Variants in ANKFN1 observed in about 807,000 individuals in gnomAD.
ANKFN1 encodes ankyrin repeat and fibronectin type III domain containing 1, also known as ankyrin repeat and fibronectin type-III domain-containing protein 1.
ANKFN1 carries 74 observed loss-of-function variants against 108.7 expected under a neutral mutation model. The observed-to-expected ratio is 0.68, with a 90% CI of 0.56 to 0.83. ANKFN1 has a LOEUF of 0.83. Ranked by LOEUF, ANKFN1 falls within the 40% of genes least tolerant of loss-of-function variation. ANKFN1 has a pLI of 0.00. For missense variants in ANKFN1, 1,505 were observed against 1,382.3 expected (o/e 1.09, Z -1.41); for synonymous variants, 547 against 516.2 (o/e 1.06, Z -0.81).
At chr17:56,304,955 G>C (rs2044775276) in intron 3 of ANKFN1, among the ~76,000 whole-genome samples, 1 of 152,136 alleles carries the variant, frequency 6.6e-6, no homozygotes, top group Non-Finnish European at 1.5e-5. Context: ...TTCTTTGTCA[G>C]ATGTATGGTG....
At chr17:56,264,493 C>T (rs1207672935) in intron 3 of ANKFN1, among the ~76,000 whole-genome samples, 1 of 152,062 alleles carries the variant, frequency 6.6e-6, no homozygotes, top group Non-Finnish European at 1.5e-5. Context: ...TTCAAGTTTG[C>T]AGTCTACATA....
chr17:56,502,398 C>A (rs528548033), intron 20 of ANKFN1, among the ~76,000 whole-genome samples: 8 of 152,268 alleles, frequency 5.3e-5, no homozygotes, highest in Admixed American at 2.6e-4. Flanking sequence ...AAAATGTGAG[C>A]GATCATCATT....
chr17:56,124,536 G>C (rs760985643), intron 4 of ANKFN1, among the ~76,000 whole-genome samples: 1 of 152,206 alleles, frequency 6.6e-6, no homozygotes, highest in Non-Finnish European at 1.5e-5. Flanking sequence ...CCTGGATTTA[G>C]TGTATGCTGG....
chr17:56,063,916 A>G (rs373098016), intron 4 of ANKFN1, among the ~76,000 whole-genome samples: 5 of 151,830 alleles, frequency 3.3e-5, no homozygotes, highest in African/African-American at 1.2e-4. Context: ...CCTTGGATAG[A>G]GATTTGTGGG....
chr17:56,259,437 T>G (rs1423746244), intron 3 of ANKFN1, among the ~76,000 whole-genome samples: 1 of 152,188 alleles, frequency 6.6e-6, no homozygotes, highest in Non-Finnish European at 1.5e-5. Flanking sequence ...TAAGTACTAC[T>G]AGGGCAAAGT....
chr17:56,177,068 A>T (rs911073233), intron 1 of ANKFN1, among the ~76,000 whole-genome samples: 2 of 152,084 alleles, frequency 1.3e-5, no homozygotes, highest in South Asian at 4.1e-4. Context: ...AATCGTAGGG[A>T]TTTCCCCAGA....
intron 6 of ANKFN1, among the ~76,000 whole-genome samples, chr17:56,365,233 T>C (rs140419531): frequency 5.3e-4 from 80 of 152,266 alleles, no homozygotes; most frequent in African/African-American, 1.8e-3. Flanking sequence ...GGGGTTGAAA[T>C]TGATATCACT....
intron 10 of ANKFN1, among the ~76,000 whole-genome samples, chr17:56,445,844 GATATCGCCAGTGA>G (rs1219371917): frequency 6.6e-6 from 1 of 152,124 alleles, no homozygotes; most frequent in Non-Finnish European, 1.5e-5. Flanking sequence ...GGAAAATCCC[GATATCGCCAGTGA>G]ATGTAAGCTC....
intron 8 of ANKFN1, among the ~76,000 whole-genome samples, chr17:56,404,148 G>T (rs2047846848): frequency 6.6e-6 from 1 of 152,084 alleles, no homozygotes; most frequent in Non-Finnish European, 1.5e-5. Flanking sequence ...CCTAGGTGAT[G>T]ATCTTTTTGT....
intron 4 of ANKFN1, among the ~76,000 whole-genome samples, chr17:56,103,186 A>G (rs1027880782): frequency 3.3e-5 from 5 of 152,200 alleles, no homozygotes; most frequent in African/African-American, 1.2e-4. Context: ...CAATTCAGGT[A>G]ATGAGCGACA....
Position 56,391,240 on chromosome 17 carries a change from T to C in ANKFN1, c.910+16526T>C. ...ATATATATATATATATATATATATA[T>C]ATATATATGTATGTGTGTGTGTGTG... On this transcript the variant is annotated intron_variant, in intron 8 of 20. Coordinates refer to ENST00000682825, the MANE Select transcript of ANKFN1 (RefSeq NM_001370326.1). Among the ~76,000 whole-genome samples the C allele has an allele frequency of 1.8e-4, 6 of 33,790 alleles. No individual in the cohort carries two copies. In the South Asian group the frequency reaches 6.8e-3, roughly 38 times the overall value. The allele number at this position is 33,790 out of a possible 152,430, so 22.2% of individuals were successfully genotyped here.
intron 8 of ANKFN1, among the ~76,000 whole-genome samples, chr17:56,417,408 T>C (rs988158869): frequency 2.0e-5 from 3 of 152,170 alleles, no homozygotes; most frequent in African/African-American, 7.2e-5. Context: ...GTTCTTTGTG[T>C]TTGTTGGAAA....
At chr17:56,115,133 T>C (rs1010083921) in intron 4 of ANKFN1, among the ~76,000 whole-genome samples, 5 of 152,242 alleles carry the variant, frequency 3.3e-5, no homozygotes, top group East Asian at 1.9e-4. Flanking sequence ...AAAACTAATA[T>C]AGTTCTATTA....
chr17:56,047,609 A>G (rs11868386), intron 4 of ANKFN1, among the ~76,000 whole-genome samples: 57,958 of 152,014 alleles, frequency 0.38, 11,815 homozygotes, highest in African/African-American at 0.52. Flanking sequence ...GGGAGAGGAA[A>G]GAGCCATCTG....
At chr17:56,059,471 A>G (rs1230392382) in intron 4 of ANKFN1, among the ~76,000 whole-genome samples, 1 of 151,986 alleles carries the variant, frequency 6.6e-6, no homozygotes, top group African/African-American at 2.4e-5. Context: ...TTTTGTTGCA[A>G]TTGCTTTTGA....
chr17:56,296,992 G>A (rs1276188041), intron 3 of ANKFN1, among the ~76,000 whole-genome samples: 1 of 152,220 alleles, frequency 6.6e-6, no homozygotes, highest in Non-Finnish European at 1.5e-5. Context: ...GTACCAGAGT[G>A]TCCAAAGAAT....
chr17:56,378,567 G>A (rs1051125603), intron 8 of ANKFN1, among the ~76,000 whole-genome samples: 12 of 152,168 alleles, frequency 7.9e-5, no homozygotes, highest in African/African-American at 2.9e-4. Context: ...TCATAGGTAT[G>A]AGGTAGCTAC....
intron 16 of ANKFN1, among the ~76,000 whole-genome samples, chr17:56,478,953 G>A (rs1223232799): frequency 6.6e-6 from 1 of 152,184 alleles, no homozygotes; most frequent in Admixed American, 6.5e-5. Context: ...AGGAAATGAT[G>A]ATGAGGAGGA....
rs1555568534 is a variant in ANKFN1, at chr17:56,516,257, A to AT, written c.*4988_*4989insT. 6.7e-6 allele frequency among the ~76,000 whole-genome samples: 1 copy of AT among 148,362 alleles called. No homozygotes were observed. Among genetic ancestry groups the AT allele is most frequent in the African/African-American group, 2.5e-5 (1 of 40,434 alleles). ...GTTTGATGTTTGTGATTTTTAAAAA[A>AT]GTGTGTGTGTGTGTGTGTGTGTGTG... On this transcript the variant is annotated 3_prime_UTR_variant, in exon 21 of 21. Coordinates refer to ENST00000682825, the MANE Select transcript of ANKFN1 (RefSeq NM_001370326.1).
Sources: allele counts gnomAD v4.1 joint callset (sites outside exome capture counted in the v4.1 genomes callset), GRCh38; gene constraint gnomAD v4.1.1; transcripts MANE v1.5; gene names NCBI Gene and HGNC (gene_info 2026-07-23, HGNC 2026-07-21).